The following CAV2 variants were observed in gnomAD, a reference collection of about 807,000 sequenced individuals.
CAV2 encodes the protein caveolin-2.
In CAV2, 7 loss-of-function variants were observed where a neutral mutation model predicts 15.5. The ratio of observed to expected loss-of-function variants is 0.45; its 90% confidence interval spans 0.26 to 0.85. The LOEUF (loss-of-function observed/expected upper bound fraction) is 0.85. CAV2 is among the 40% of genes least tolerant of loss of function. CAV2 has a pLI of 0.18. For synonymous variants in CAV2, 76 were observed against 83.1 expected (o/e 0.91, Z 0.46); for missense variants, 229 against 208.8 (o/e 1.10, Z -0.60).
Position 116,505,959 on chromosome 7 carries a change from C to A in CAV2, c.339-12C>A. The A allele has an allele frequency of 6.2e-7, 1 of 1,600,716 alleles. No individual in the cohort carries two copies. Among genetic ancestry groups the A allele is most frequent in the Non-Finnish European group, 8.6e-7 (1 of 1,168,636 alleles). Reference sequence around the variant, plus strand: ...GCAACAATCCTCACACATCTCTCTTCCTTCCTTCCAGGATTTTAATGCCTT... The same window carrying A: ...GCAACAATCCTCACACATCTCTCTTACTTCCTTCCAGGATTTTAATGCCTT... On this transcript the variant is annotated splice_polypyrimidine_tract_variant and intron_variant, in intron 2 of 2. Coordinates refer to ENST00000222693, the MANE Select transcript of CAV2 (RefSeq NM_001233.5).
At position 116,499,772 on chromosome 7, in the gene CAV2, C is replaced by T; in HGVS notation, c.-10C>T. ...CAGCCGGGCTGCAGCGGCCGCGCAC[C>T]AAGGCTGCGATGGGGCTGGAGACGG... On this transcript the variant is annotated 5_prime_UTR_variant, in exon 1 of 3. Coordinates refer to ENST00000222693, the MANE Select transcript of CAV2 (RefSeq NM_001233.5). 6.5e-7 allele frequency: 1 copy of T among 1,541,948 alleles called. No individual in the cohort carries two copies. The highest frequency in any genetic ancestry group is 1.4e-5 in the African/African-American group (1 of 71,198).
At chr7:116,500,150 C>T in intron 1 of CAV2, 110 bp from the exon 2 acceptor site, 1 of 1,507,012 alleles carries the variant, frequency 6.6e-7, no homozygotes, top group Non-Finnish European at 8.8e-7. Context: ...AGAGAAGAGG[C>T]GGACGCCCTG....
chr7:116,500,006 C>T (rs2116113501), intron 1 of CAV2, 75 bp downstream of exon 1: 1 of 1,548,158 alleles, frequency 6.5e-7, no homozygotes, highest in Non-Finnish European at 8.7e-7. Flanking sequence ...CCCGCCCTAA[C>T]CCGTCCCACC....
Position 116,506,222 on chromosome 7 carries a change from T to G in CAV2, c.*101T>G, listed in dbSNP as rs1045073739. ...CTGTTCATTTCCTAGCTGTTCTAAT[T>G]AAGAAAACTATTAAGATGAGCAACC... is the stretch of plus-strand genomic sequence containing the variant. On this transcript the variant is annotated 3_prime_UTR_variant, in exon 3 of 3. Transcript: ENST00000222693. The G allele has an allele frequency of 8.7e-7, 1 of 1,151,720 alleles. No individual in the cohort carries two copies. The highest frequency in any genetic ancestry group is 2.3e-5 in the Admixed American group (1 of 42,618). 71.3% of individuals were successfully genotyped at this position (1,151,720 alleles called of 1,614,324 possible).
At position 116,507,593 on chromosome 7, in the gene CAV2, A is replaced by T. The variant is rs1793269493; in HGVS notation, c.*1472A>T. 1 of 152,048 alleles carries T rather than the reference A, an allele frequency of 6.6e-6. No homozygotes were observed. Among genetic ancestry groups the T allele is most frequent in the African/African-American group, 2.4e-5 (1 of 41,336 alleles). 9.4% of individuals were successfully genotyped at this position (152,048 alleles called of 1,614,324 possible). A position where few individuals can be genotyped will look rare whatever the true frequency, so the allele number is the denominator to read the frequency against. The stretch of plus-strand genomic sequence containing the variant: ...GAGGCTGAGGCAGGAGAATTGCTTG[A>T]ACCTGGGAGGCAGAGGTTGCAGTGA... On this transcript the variant is annotated 3_prime_UTR_variant, in exon 3 of 3. Transcript: ENST00000222693.
intron 2 of CAV2, 104 bp downstream of exon 2, chr7:116,500,551 G>A (rs1208180146): frequency 1.7e-6 from 2 of 1,144,094 alleles, no homozygotes; most frequent in Non-Finnish European, 2.5e-6. Context: ...TCAGGAGGAG[G>A]AACGCGCATC....
rs1285792945 is a variant in CAV2, at chr7:116,500,037, G to A, written c.150+106G>A. ...CCACCATTGCTACCGGGTCGGCCCC[G>A]CAGGGTCTGAGACCCGCACCCTTCC... On this transcript the variant is annotated intron_variant, in intron 1 of 2. Transcript: ENST00000222693. 7 of 1,498,852 alleles carry A rather than the reference G, an allele frequency of 4.7e-6. No homozygotes were observed. In the Admixed American group the frequency reaches 7.3e-5, roughly 16 times the overall value. 92.8% of individuals were successfully genotyped at this position (1,498,852 alleles called of 1,614,324 possible). A position where few individuals can be genotyped will look rare whatever the true frequency, so the allele number is the denominator to read the frequency against.
In CAV2 at chr7:116,508,147, G is replaced by A. The variant is rs560931233; in HGVS notation, c.*2026G>A. On this transcript the variant is annotated 3_prime_UTR_variant, in exon 3 of 3. Coordinates refer to ENST00000222693, the MANE Select transcript of CAV2 (RefSeq NM_001233.5). ...GGTCAATCAGCCTCATGACTTTATAGTTATGTCTTGTATTTAAAAACATTT... is the reference window on the plus strand; with the variant it reads ...GGTCAATCAGCCTCATGACTTTATAATTATGTCTTGTATTTAAAAACATTT... 5.9e-5 allele frequency: 9 copies of A among 152,196 alleles called. No homozygotes were observed. In the South Asian group the frequency reaches 1.9e-3, roughly 32 times the overall value. 9.4% of individuals were successfully genotyped at this position (152,196 alleles called of 1,614,324 possible). A position where few individuals can be genotyped will look rare whatever the true frequency, so the allele number is the denominator to read the frequency against.
At chr7:116,504,417 A>T (rs1793185337) in intron 2 of CAV2, among the ~76,000 whole-genome samples, 1 of 152,234 alleles carries the variant, frequency 6.6e-6, no homozygotes, top group Non-Finnish European at 1.5e-5. Context: ...AACACTTAGT[A>T]ATTAATTTTC....
At chr7:116,500,052 C>A in intron 1 of CAV2, 121 bp downstream of exon 1, 2 of 1,481,404 alleles carry the variant, frequency 1.4e-6, no homozygotes, top group South Asian at 2.8e-5. Context: ...GTCTGAGACC[C>A]GCACCCTTCC....
intron 1 of CAV2, 94 bp downstream of exon 1, chr7:116,500,025 C>T (rs921302855): frequency 3.3e-6 from 5 of 1,509,592 alleles, no homozygotes; most frequent in African/African-American, 2.8e-5. Flanking sequence ...CCATTGCTAC[C>T]GGGTCGGCCC....
intron 1 of CAV2, 23 bp from the exon 2 acceptor site, chr7:116,500,237 G>A (rs777056674): frequency 1.4e-5 from 22 of 1,606,982 alleles, no homozygotes; most frequent in East Asian, 4.5e-5. Flanking sequence ...ACAGTTCGGG[G>A]TCCCTGCGTC....
At position 116,507,165 on chromosome 7, in the gene CAV2, C is replaced by T. The variant is rs76054845; in HGVS notation, c.*1044C>T. On this transcript the variant is annotated 3_prime_UTR_variant, in exon 3 of 3. Transcript: ENST00000222693. ...TTTACAGTAAATGTTACTTCTGATA[C>T]TTTAGTACAATTTCAACTACAGTGA... 2,415 of 152,668 alleles carry T rather than the reference C, an allele frequency of 0.016. 29 individuals carry two copies. Among genetic ancestry groups the T allele is most frequent in the Non-Finnish European group, 0.023 (1,551 of 68,016 alleles). 9.5% of individuals were successfully genotyped at this position (152,668 alleles called of 1,614,324 possible). A position where few individuals can be genotyped will look rare whatever the true frequency, so the allele number is the denominator to read the frequency against.
intron 2 of CAV2, among the ~76,000 whole-genome samples, 188 bp from the exon 3 acceptor site, chr7:116,505,783 T>C (rs1400122668): frequency 6.6e-6 from 1 of 152,156 alleles, no homozygotes; most frequent in Non-Finnish European, 1.5e-5. Flanking sequence ...GGGGACTACA[T>C]TTCAAAATGA....
chr7:116,504,916 T>C (rs1297998270), intron 2 of CAV2, among the ~76,000 whole-genome samples: 3 of 152,150 alleles, frequency 2.0e-5, no homozygotes, highest in Non-Finnish European at 4.4e-5. Flanking sequence ...TCAGTGTGTG[T>C]GATTACTGTG....
At chr7:116,505,739 C>T (rs1793217982) in intron 2 of CAV2, among the ~76,000 whole-genome samples, 1 of 152,102 alleles carries the variant, frequency 6.6e-6, no homozygotes, top group Non-Finnish European at 1.5e-5. Context: ...CCGCTGTGAT[C>T]CAATTATCCC....
intron 2 of CAV2, among the ~76,000 whole-genome samples, chr7:116,503,923 A>AAGGGAGGGAGGAAGGAAGGGAGGG (rs1793166007): frequency 1.9e-5 from 1 of 53,268 alleles, no homozygotes; most frequent in African/African-American, 8.6e-5. Flanking sequence ...GGAAGGAAGG[A>AAGGGAGGGAGGAAGGAAGGGAGGG]AGGGAGGGAG....
rs1306079726 is a variant in CAV2, at chr7:116,506,605, C to T, written c.*484C>T. ...ACAATGATCCTGGAAATTGCAGTAA[C>T]AAAAGCACACAACGATTATAGTAAC... On this transcript the variant is annotated 3_prime_UTR_variant, in exon 3 of 3. Coordinates refer to ENST00000222693, the MANE Select transcript of CAV2 (RefSeq NM_001233.5). The T allele has an allele frequency of 6.6e-6, 1 of 152,386 alleles. No homozygotes were observed. Among genetic ancestry groups the T allele is most frequent in the Non-Finnish European group, 1.5e-5 (1 of 68,306 alleles). The allele number at this position is 152,386 out of a possible 1,614,324, so 9.4% of individuals were successfully genotyped here. A position where few individuals can be genotyped will look rare whatever the true frequency, so the allele number is the denominator to read the frequency against.
intron 2 of CAV2, among the ~76,000 whole-genome samples, chr7:116,504,594 T>C (rs1793188098): frequency 6.6e-6 from 1 of 152,232 alleles, no homozygotes; most frequent in South Asian, 2.1e-4. Flanking sequence ...ATTTAAGTCA[T>C]ATTTTAATAG....
Sources: gnomAD v4.1 joint callset for allele counts (sites outside exome capture counted in the v4.1 genomes callset) on GRCh38, gnomAD v4.1.1 for gene constraint, MANE v1.5 for transcripts, NCBI Gene and HGNC (gene_info 2026-07-23, HGNC 2026-07-21) for gene names.